Variants in XRCC5 observed in about 807,000 individuals in gnomAD.
XRCC5 encodes the protein DNA repair protein Ku80.
In XRCC5, 12 loss-of-function variants were observed where a neutral mutation model predicts 95.7. The observed-to-expected ratio is 0.13, with a 90% CI of 0.08 to 0.20. The LOEUF is 0.20. Among genes scored for constraint, XRCC5 ranks in the 10% least tolerant of loss-of-function variants. The pLI is 1.00. For missense variants in XRCC5, 595 were observed against 873.9 expected, an observed-to-expected ratio of 0.68 and a Z score of 4.02; for synonymous variants, 281 against 290.3, an observed-to-expected ratio of 0.97 and a Z score of 0.33.
intron 13 of XRCC5, among the ~76,000 whole-genome samples, chr2:216,145,875 C>G (rs1688620579): frequency 6.6e-6 from 1 of 152,170 alleles, no homozygotes; most frequent in Non-Finnish European, 1.5e-5. Flanking sequence ...ATAGAATCTT[C>G]AGGAGTTTAT....
At chr2:216,186,291 G>C (rs1559260679) in intron 16 of XRCC5, among the ~76,000 whole-genome samples, 1 of 152,244 alleles carries the variant, frequency 6.6e-6, no homozygotes, top group Non-Finnish European at 1.5e-5. Context: ...CTTGGTGACT[G>C]TGCAATGAGA....
At chr2:216,145,231 C>T (rs760356116) in intron 13 of XRCC5, among the ~76,000 whole-genome samples, 3 of 152,198 alleles carry the variant, frequency 2.0e-5, no homozygotes, top group Non-Finnish European at 4.4e-5. Flanking sequence ...CCAGGAAGGC[C>T]ACTTTTTTCT....
At chr2:216,116,953 T>A (rs1473074581) in intron 3 of XRCC5, 111 bp downstream of exon 3, 1 of 1,269,602 alleles carries the variant, frequency 7.9e-7, no homozygotes, top group Non-Finnish European at 1.1e-6. Flanking sequence ...ATGGGTATAT[T>A]TTGCTCTGAG....
At chr2:216,170,151 A>G (rs957380268) in intron 16 of XRCC5, among the ~76,000 whole-genome samples, 25 of 150,022 alleles carry the variant, frequency 1.7e-4, no homozygotes, top group African/African-American at 6.1e-4. Context: ...GAGGGGGTCC[A>G]TTTCATCAGT....
At chr2:216,201,573 G>GT (rs1407995089) in intron 19 of XRCC5, among the ~76,000 whole-genome samples, 1 of 152,168 alleles carries the variant, frequency 6.6e-6, no homozygotes, top group Non-Finnish European at 1.5e-5. Context: ...CACTTTTATG[G>GT]TAACCCCAGG....
In XRCC5 at chr2:216,137,097, G is replaced by T. The variant is rs192418356; in HGVS notation, c.1123G>T (p.Val375Phe). Residue 375 changes from valine to phenylalanine, a missense_variant, in exon 11 of 21, where the codon GTT (valine) becomes TTT (phenylalanine). Transcript: ENST00000392132. ...FAARDDEAAAVALSSLIHALD... is the reference protein window; with the variant it reads ...FAARDDEAAAFALSSLIHALD... ...CCATCTTTCTTACCAGGCAGCTGCA[G>T]TTGCACTTTCCTCCCTGATTCATGC... 3.7e-5 allele frequency: 60 copies of T among 1,613,246 alleles called. No homozygotes were observed. Among genetic ancestry groups the T allele is most frequent in the Admixed American group, 6.7e-5 (4 of 59,916 alleles).
intron 16 of XRCC5, among the ~76,000 whole-genome samples, chr2:216,165,223 A>T (rs2106029697): frequency 6.6e-6 from 1 of 152,304 alleles, no homozygotes. Flanking sequence ...CAACATTTTA[A>T]GGTCGTGTAT....
chr2:216,171,335 T>C (rs1689162669), intron 16 of XRCC5, among the ~76,000 whole-genome samples: 1 of 152,170 alleles, frequency 6.6e-6, no homozygotes, highest in African/African-American at 2.4e-5. Flanking sequence ...CCTAGAAAAA[T>C]GTCGTGCTTG....
intron 16 of XRCC5, among the ~76,000 whole-genome samples, chr2:216,176,306 A>G (rs1441578152): frequency 1.3e-5 from 2 of 151,970 alleles, no homozygotes; most frequent in Non-Finnish European, 2.9e-5. Flanking sequence ...TTTAGTGGAG[A>G]CGGGATTTCA....
chr2:216,161,824 G>A (rs942670857), intron 15 of XRCC5, among the ~76,000 whole-genome samples, 155 bp from the exon 16 acceptor site: 1 of 152,214 alleles, frequency 6.6e-6, no homozygotes, highest in African/African-American at 2.4e-5. Flanking sequence ...CTTTCACAGA[G>A]CCCTAGAAAT....
chr2:216,195,176 G>T (rs1404009551), intron 19 of XRCC5, among the ~76,000 whole-genome samples, 190 bp downstream of exon 19: 5 of 152,104 alleles, frequency 3.3e-5, no homozygotes, highest in African/African-American at 1.2e-4. Flanking sequence ...CCTGTAGGCT[G>T]TGGTTATATT....
At chr2:216,170,557 G>T (rs1305573328) in intron 16 of XRCC5, among the ~76,000 whole-genome samples, 1 of 152,086 alleles carries the variant, frequency 6.6e-6, no homozygotes, top group Non-Finnish European at 1.5e-5. Flanking sequence ...CACAAGAACA[G>T]CAAAGGGGAA....
chr2:216,161,895 T>C (rs192499380), intron 15 of XRCC5, 84 bp from the exon 16 acceptor site: 8 of 1,106,624 alleles, frequency 7.2e-6, no homozygotes, highest in African/African-American at 6.2e-5. Context: ...AGCACACTTA[T>C]TACATTAAGC....
In XRCC5 at chr2:216,113,004, C is replaced by A. The variant is rs56170971; in HGVS notation, c.22-12C>A. Reference sequence around the variant, plus strand: ...TTATTTTCTCAAACACTCTTTGGAACTTTGTTTCCAGGCAGCTGTTGTGCT... The same window carrying A: ...TTATTTTCTCAAACACTCTTTGGAAATTTGTTTCCAGGCAGCTGTTGTGCT... On this transcript the variant is annotated splice_polypyrimidine_tract_variant and intron_variant, in intron 1 of 20. Coordinates refer to ENST00000392132, the MANE Select transcript of XRCC5 (RefSeq NM_021141.4). 1.8e-4 allele frequency: 291 copies of A among 1,604,692 alleles called. No homozygotes were observed. The African/African-American group carries it at 3.5e-3, about 19-fold the overall frequency.
chr2:216,161,448 A>G (rs977957088), intron 15 of XRCC5, among the ~76,000 whole-genome samples: 4 of 152,180 alleles, frequency 2.6e-5, no homozygotes, highest in African/African-American at 9.7e-5. Flanking sequence ...ATCTGCTTTT[A>G]CTTTCTGAGG....
At chr2:216,126,074 A>G (rs1696895954) in intron 7 of XRCC5, 43 bp downstream of exon 7, 1 of 1,485,836 alleles carries the variant, frequency 6.7e-7, no homozygotes, top group South Asian at 1.1e-5. Flanking sequence ...GTTACCAGGC[A>G]GATAAATATG....
chr2:216,131,030 ATTTG>A, intron 9 of XRCC5, 43 bp downstream of exon 9: 2 of 1,531,154 alleles, frequency 1.3e-6, no homozygotes, highest in South Asian at 2.3e-5. Flanking sequence ...CCTAGCTGTT[ATTTG>A]AAATGGTATG....
chr2:216,198,677 C>T (rs978613737), intron 19 of XRCC5, among the ~76,000 whole-genome samples: 7 of 151,932 alleles, frequency 4.6e-5, no homozygotes, highest in African/African-American at 1.2e-4. Flanking sequence ...CTCAGCCTCC[C>T]GAGTAGCTGG....
At position 216,137,245 on chromosome 2, in the gene XRCC5, T is replaced by C; in HGVS notation, c.1251+20T>C. On this transcript the variant is annotated intron_variant, in intron 11 of 20. Coordinates refer to ENST00000392132, the MANE Select transcript of XRCC5 (RefSeq NM_021141.4). ...TATGAGGTAAAACCCAAAGTCTTAATGTTATTTTTTTTCTTCAGTTCCTTT... is the reference window on the plus strand; with the variant it reads ...TATGAGGTAAAACCCAAAGTCTTAACGTTATTTTTTTTCTTCAGTTCCTTT... The C allele has an allele frequency of 1.2e-6, 2 of 1,602,486 alleles. No homozygotes were observed. The highest frequency in any genetic ancestry group is 1.7e-6 in the Non-Finnish European group (2 of 1,175,796).
Sources: gnomAD v4.1 joint callset for allele counts (sites outside exome capture counted in the v4.1 genomes callset) on GRCh38, gnomAD v4.1.1 for gene constraint, MANE v1.5 for transcripts, NCBI Gene and HGNC (gene_info 2026-07-23, HGNC 2026-07-21) for gene names.